Variants in ENDOV observed in about 807,000 individuals in gnomAD.
ENDOV encodes hEndoV.
In ENDOV, 37 loss-of-function variants were observed where a neutral mutation model predicts 39.4. The ratio of observed to expected loss-of-function variants is 0.94; its 90% CI spans 0.72 to 1.23. The LOEUF (loss-of-function observed/expected upper bound fraction) is 1.23, where lower values mean the gene tolerates loss of function less well. ENDOV is among the 50% of genes most tolerant of loss of function. ENDOV has a pLI of 0.00. For synonymous variants in ENDOV, 186 were observed against 163.4 expected (o/e 1.14, Z -1.05); for missense variants, 441 against 375.7 (o/e 1.17, Z -1.44).
chr17:80,433,926 G>C (rs1367975221), intron 9 of ENDOV, among the ~76,000 whole-genome samples: 1 of 152,194 alleles, frequency 6.6e-6, no homozygotes, highest in Non-Finnish European at 1.5e-5. Flanking sequence ...TTTGTTTTGA[G>C]ATAAAAGTCA....
At chr17:80,422,312 T>A in intron 4 of ENDOV, 67 bp downstream of exon 4, 1 of 1,572,956 alleles carries the variant, frequency 6.4e-7, no homozygotes, top group Non-Finnish European at 8.7e-7. Context: ...GGCACCTCTG[T>A]CGTCCCCCAC....
intron 2 of ENDOV, chr17:80,419,736 G>C (rs765899329): frequency 1.4e-6 from 1 of 695,426 alleles, no homozygotes; most frequent in Admixed American, 2.0e-5. Flanking sequence ...TGGCCCTCTG[G>C]TCATGCCCTC....
chr17:80,425,367 G>C, intron 6 of ENDOV, 125 bp from the exon 7 acceptor site: 1 of 1,389,548 alleles, frequency 7.2e-7, no homozygotes, highest in South Asian at 1.4e-5. Context: ...GCCCCTGAGA[G>C]CACTGCCCCT....
intron 2 of ENDOV, among the ~76,000 whole-genome samples, chr17:80,421,453 C>T (rs943291813): frequency 7.5e-6 from 1 of 132,856 alleles, no homozygotes; most frequent in African/African-American, 2.9e-5. Context: ...TCCAGTGGAC[C>T]GGGTCCGGGG....
rs780046968 is a variant in ENDOV at position 80,415,186 on chromosome 17, G to A, written c.-9G>A. 27 of 1,612,790 alleles carry A rather than the reference G, an allele frequency of 1.7e-5. No individual in the cohort carries two copies. The highest frequency in any genetic ancestry group is 2.2e-5 in the South Asian group (2 of 90,940). On this transcript the variant is annotated 5_prime_UTR_variant, in exon 1 of 10. Transcript: ENST00000518137. ...AGTGACGTGCGGAAGGGGTGCCCGG[G>A]ACGAAGCCATGGCCCTGGAGGCGGC...
chr17:80,427,138 A>G (rs1287079105), intron 7 of ENDOV, among the ~76,000 whole-genome samples: 1 of 152,252 alleles, frequency 6.6e-6, no homozygotes, highest in Non-Finnish European at 1.5e-5. Flanking sequence ...AGCGGGCTCC[A>G]CAGCCTTGCA....
At position 80,436,511 on chromosome 17, in the gene ENDOV, C is replaced by CAATAGAGGCCAGAAAAGCAT; in HGVS notation, c.*368_*369insAATAGAGGCCAGAAAAGCAT. On this transcript the variant is annotated 3_prime_UTR_variant, in exon 10 of 10. Coordinates refer to ENST00000518137, the MANE Select transcript of ENDOV (RefSeq NM_173627.5). ...GTACTGGATTTTGTCAAATGCTTTT[C>CAATAGAGGCCAGAAAAGCAT]TGGCCTCTATTGAAAAGATCCTGTG... 2 of 503,650 alleles carry CAATAGAGGCCAGAAAAGCAT rather than the reference C, an allele frequency of 4.0e-6. No homozygotes were observed. Among genetic ancestry groups the CAATAGAGGCCAGAAAAGCAT allele is most frequent in the Non-Finnish European group, 6.3e-6 (2 of 319,474 alleles). 31.2% of individuals were successfully genotyped at this position (503,650 alleles called of 1,614,324 possible). A position where few individuals can be genotyped will look rare whatever the true frequency, so the allele number is the denominator to read the frequency against.
At chr17:80,415,555 C>A in intron 1 of ENDOV, 95 bp from the exon 2 acceptor site, 1 of 1,434,872 alleles carries the variant, frequency 7.0e-7, no homozygotes, top group Non-Finnish European at 9.5e-7. Flanking sequence ...GGGAGAAGAC[C>A]CGGCAGAGGC....
chr17:80,428,717 G>A, intron 8 of ENDOV, 57 bp downstream of exon 8: 1 of 1,501,094 alleles, frequency 6.7e-7, no homozygotes, highest in Admixed American at 2.0e-5. Context: ...ACCTGCATGG[G>A]CTGTTTCCGG....
Position 80,423,551 on chromosome 17 carries a change from T to TA in ENDOV, c.436dup (p.Thr146AsnfsTer95). Reference sequence around the variant, plus strand: ...GGGTGGCCTGCCACCTTGGCGTCCTTACAGACCTGCCGTGTGTTGGGGTGG... The same window carrying TA: ...GGGTGGCCTGCCACCTTGGCGTCCTTAACAGACCTGCCGTGTGTTGGGGTGG... On this transcript the variant is annotated frameshift_variant, in exon 5 of 10. Coordinates refer to ENST00000518137, the MANE Select transcript of ENDOV (RefSeq NM_173627.5). LOFTEE classifies it high-confidence loss of function. The TA allele has an allele frequency of 6.4e-7, 1 of 1,555,116 alleles. No individual in the cohort carries two copies. Among genetic ancestry groups the TA allele is most frequent in the Non-Finnish European group, 8.7e-7 (1 of 1,149,336 alleles).
Position 80,426,334 on chromosome 17 carries a change from G to A in ENDOV, c.714+714G>A, listed in dbSNP as rs545303937. Among the ~76,000 whole-genome samples the A allele has an allele frequency of 1.1e-4, 17 of 152,348 alleles. No homozygotes were observed. The South Asian group carries it at 3.1e-3, about 28-fold the overall frequency. Reference sequence around the variant, plus strand: ...GGAGGAAGGGGAAGGACAGCCCTGGGCAGGAAGGAGTTTGATGTGCTCAAG... The same window carrying A: ...GGAGGAAGGGGAAGGACAGCCCTGGACAGGAAGGAGTTTGATGTGCTCAAG... On this transcript the variant is annotated intron_variant, in intron 7 of 9. Transcript: ENST00000518137.
intron 2 of ENDOV, 101 bp downstream of exon 2, chr17:80,415,922 G>C: frequency 7.0e-7 from 1 of 1,419,188 alleles, no homozygotes; most frequent in Non-Finnish European, 9.5e-7. Context: ...CCGGCTTCTC[G>C]TTTTGTAGGA....
intron 9 of ENDOV, among the ~76,000 whole-genome samples, chr17:80,434,522 CTT>C (rs2083494383): frequency 6.6e-6 from 1 of 152,226 alleles, no homozygotes; most frequent in Non-Finnish European, 1.5e-5. Context: ...AACTGCCAGA[CTT>C]TTCCATAGCA....
chr17:80,431,505 G>C (rs1191874148), intron 9 of ENDOV, among the ~76,000 whole-genome samples: 1 of 152,250 alleles, frequency 6.6e-6, no homozygotes, highest in Non-Finnish European at 1.5e-5. Flanking sequence ...AAAGTCACGG[G>C]GGGCACAGGA....
intron 5 of ENDOV, chr17:80,424,447 G>A: frequency 2.5e-6 from 1 of 396,154 alleles, no homozygotes; most frequent in Non-Finnish European, 4.4e-6. Context: ...TGCCAGCCTG[G>A]CACAGCGGCC....
chr17:80,424,905 A>C, intron 5 of ENDOV, 127 bp from the exon 6 acceptor site: 1 of 731,710 alleles, frequency 1.4e-6, no homozygotes, highest in Non-Finnish European at 2.3e-6. Context: ...CAGTGAGCTG[A>C]GATCGCGCCA....
Position 80,423,560 on chromosome 17 carries a change from G to T in ENDOV, c.444G>T (p.Leu148=). 3 of 1,555,978 alleles carry T rather than the reference G, an allele frequency of 1.9e-6. No individual in the cohort carries two copies. Among genetic ancestry groups the T allele is most frequent in the Non-Finnish European group, 1.7e-6 (2 of 1,149,832 alleles). Residue 148 remains leucine, a synonymous_variant, in exon 5 of 10, where the codon CTG becomes CTT. Transcript: ENST00000518137. ...VACHLGVLTD[L]PCVGVAKKLL... is the part of the protein sequence containing the mutation. Reference sequence around the variant, plus strand: ...GCCACCTTGGCGTCCTTACAGACCTGCCGTGTGTTGGGGTGGCCAAGAAAC... The same window carrying T: ...GCCACCTTGGCGTCCTTACAGACCTTCCGTGTGTTGGGGTGGCCAAGAAAC...
At chr17:80,415,904 C>T in intron 2 of ENDOV, 83 bp downstream of exon 2, 1 of 1,476,300 alleles carries the variant, frequency 6.8e-7, no homozygotes, top group Non-Finnish European at 9.1e-7. Flanking sequence ...GCAGTGCAAG[C>T]GTAGAACCCG....
intron 5 of ENDOV, chr17:80,424,368 C>T (rs2082426224): frequency 1.5e-5 from 6 of 400,078 alleles, no homozygotes; most frequent in Non-Finnish European, 2.6e-5. Flanking sequence ...GTGCCCAAAG[C>T]AGGAGAGAAG....
Sources: gnomAD v4.1 joint callset for allele counts (sites outside exome capture counted in the v4.1 genomes callset) on GRCh38, gnomAD v4.1.1 for gene constraint, MANE v1.5 for transcripts, NCBI Gene and HGNC (gene_info 2026-07-23, HGNC 2026-07-21) for gene names.